The following SUPT20H variants were observed in gnomAD, a reference collection of about 807,000 sequenced individuals.
SUPT20H encodes the protein transcription factor SPT20 homolog.
A neutral mutation model predicts 122.8 loss-of-function variants in SUPT20H; 82 were observed. That is an observed-to-expected ratio of 0.67 (90% CI 0.56 to 0.80). The LOEUF (loss-of-function observed/expected upper bound fraction) is 0.80, where lower values mean the gene tolerates loss of function less well. SUPT20H is among the 30% of genes least tolerant of loss of function. The pLI is 0.00. For missense variants in SUPT20H, 831 were observed against 921.6 expected (o/e 0.90, Z 1.27); for synonymous variants, 291 against 313.0 (o/e 0.93, Z 0.74).
intron 25 of SUPT20H, 132 bp downstream of exon 25, chr13:37,010,420 A>G (rs2059393177): frequency 1.3e-6 from 1 of 761,132 alleles, no homozygotes; most frequent in South Asian, 1.9e-5. Flanking sequence ...AGACTTTAAA[A>G]TTTGCTAAAT....
chr13:37,018,957 T>C (rs138246366), intron 22 of SUPT20H, among the ~76,000 whole-genome samples: 2,422 of 152,278 alleles, frequency 0.016, 26 homozygotes, highest in Non-Finnish European at 0.024. Flanking sequence ...CCCACATACC[T>C]ATTTTTTAAA....
Position 37,019,209 on chromosome 13 carries a change from CAAT to C in SUPT20H, c.1872+130_1872+132del, listed in dbSNP as rs2061055365. ...TATCCGCTTGATCATACAAAGGTAG[CAAT>C]AATAACCACACCCTTAGAAGAATCT... On this transcript the variant is annotated intron_variant, in intron 22 of 25. Coordinates refer to ENST00000350612, the MANE Select transcript of SUPT20H (RefSeq NM_001014286.3). 9 of 589,398 alleles carry C rather than the reference CAAT, an allele frequency of 1.5e-5. No individual in the cohort carries two copies. The South Asian group carries it at 2.1e-4, about 14-fold the overall frequency. 36.5% of individuals were successfully genotyped at this position (589,398 alleles called of 1,614,324 possible).
In SUPT20H at chr13:37,009,611, T is replaced by C; in HGVS notation, c.*61A>G. ...ATTAAAAAAAACAAAAAGTAGAAAC[T>C]CAATTCTTTTGATTCAGTGCTCTTG... On this transcript the variant is annotated 3_prime_UTR_variant, in exon 26 of 26. Transcript: ENST00000350612. 6.3e-7 allele frequency: 1 copy of C among 1,598,478 alleles called. No individual in the cohort carries two copies. Among genetic ancestry groups the C allele is most frequent in the Non-Finnish European group, 8.6e-7 (1 of 1,166,842 alleles).
At chr13:37,045,455 T>C in intron 5 of SUPT20H, 82 bp from the exon 6 acceptor site, 1 of 1,526,560 alleles carries the variant, frequency 6.6e-7, no homozygotes, top group Admixed American at 2.0e-5. Context: ...AAAATCAGGC[T>C]TGAATTAACC....
At position 37,026,773 on chromosome 13, in the gene SUPT20H, G is replaced by C; in HGVS notation, c.1178+17C>G. On this transcript the variant is annotated intron_variant, in intron 15 of 25. Coordinates refer to ENST00000350612, the MANE Select transcript of SUPT20H (RefSeq NM_001014286.3). ...TGTAATTTCTTAACAGATTAAAATA[G>C]TTTATTTTTTAATTACCAATTTGAA... 7.5e-7 allele frequency: 1 copy of C among 1,339,112 alleles called. No individual in the cohort carries two copies. Among genetic ancestry groups the C allele is most frequent in the Non-Finnish European group, 1.0e-6 (1 of 996,432 alleles). 83.0% of individuals were successfully genotyped at this position (1,339,112 alleles called of 1,614,324 possible). A position where few individuals can be genotyped will look rare whatever the true frequency, so the allele number is the denominator to read the frequency against.
intron 22 of SUPT20H, 114 bp from the exon 23 acceptor site, chr13:37,017,478 T>C: frequency 9.0e-7 from 1 of 1,108,320 alleles, no homozygotes; most frequent in Non-Finnish European, 1.2e-6. Flanking sequence ...TTCTAGTTAT[T>C]GAAGAAACAG....
At chr13:37,028,392 T>C in intron 13 of SUPT20H, 87 bp from the exon 14 acceptor site, 1 of 1,214,644 alleles carries the variant, frequency 8.2e-7, no homozygotes, top group Non-Finnish European at 1.2e-6. Context: ...AATGATACAG[T>C]AACATGTATC....
chr13:37,035,782 G>A (rs1280849193), intron 9 of SUPT20H, among the ~76,000 whole-genome samples: 25 of 152,092 alleles, frequency 1.6e-4, no homozygotes, highest in Admixed American at 1.6e-3. Flanking sequence ...CGCCTGCTTC[G>A]GCCTCCCAAA....
chr13:37,051,082 T>C (rs1049483982), intron 2 of SUPT20H, among the ~76,000 whole-genome samples: 1 of 152,206 alleles, frequency 6.6e-6, no homozygotes, highest in Admixed American at 6.5e-5. Context: ...CTGCCTGAAA[T>C]ACGTTATATG....
intron 1 of SUPT20H, among the ~76,000 whole-genome samples, chr13:37,057,771 C>T (rs1354962901): frequency 3.3e-5 from 5 of 151,910 alleles, no homozygotes. Context: ...CCCTGGAGTT[C>T]GAGACCAGCC....
At position 37,048,617 on chromosome 13, in the gene SUPT20H, T is replaced by C. The variant is rs1380160503; in HGVS notation, c.4-18A>G. ...GCTTGTTGCTGTAAAAAGTAAATAG[T>C]ATATTTGGTAATATTAGTTATTTCC... is the stretch of plus-strand genomic sequence containing the variant. On this transcript the variant is annotated intron_variant, in intron 2 of 25. Transcript: ENST00000350612. The C allele has an allele frequency of 1.3e-6, 2 of 1,592,442 alleles. No homozygotes were observed. Among genetic ancestry groups the C allele is most frequent in the African/African-American group, 1.4e-5 (1 of 73,952 alleles).
chr13:37,031,598 G>C lies in SUPT20H; in HGVS notation c.890C>G (p.Pro297Arg), dbSNP rs200732187. 43 of 1,552,516 alleles carry C rather than the reference G, an allele frequency of 2.8e-5. No homozygotes were observed. The East Asian group carries it at 1.0e-3, about 36-fold the overall frequency. Residue 297 changes from proline (P) to arginine (R), a missense_variant, in exon 12 of 26, where the codon CCC becomes CGC. Transcript: ENST00000350612. ...GNCVDMWKRS[P>R]CNLAIPSEVD... ...TTCAGAAGGTATGGCCAAATTACAGGGACTCCGTTTCCACATATCTACACA... is the reference window on the plus strand; with the variant it reads ...TTCAGAAGGTATGGCCAAATTACAGCGACTCCGTTTCCACATATCTACACA...
intron 23 of SUPT20H, among the ~76,000 whole-genome samples, chr13:37,014,458 A>AAG (rs1362620904): frequency 2.0e-5 from 3 of 152,150 alleles, no homozygotes; most frequent in Non-Finnish European, 4.4e-5. Flanking sequence ...AGTATTCATC[A>AAG]AGACAGATCA....
chr13:37,048,448 C>T (rs1171032040), intron 3 of SUPT20H, 116 bp downstream of exon 3: 3 of 857,428 alleles, frequency 3.5e-6, no homozygotes, highest in Non-Finnish European at 5.2e-6. Context: ...GATATGCATA[C>T]TTGTCCTAAA....
chr13:37,030,862 G>A (rs906977174), intron 12 of SUPT20H, among the ~76,000 whole-genome samples: 1 of 152,130 alleles, frequency 6.6e-6, no homozygotes, highest in Admixed American at 6.6e-5. Context: ...ACAGTCTACT[G>A]CTGCTTCTGG....
intron 1 of SUPT20H, chr13:37,056,945 T>A (rs1405203868): frequency 6.6e-6 from 1 of 151,824 alleles, no homozygotes; most frequent in African/African-American, 2.4e-5. Context: ...CCCAGACGAG[T>A]CAAACGTGCT....
intron 22 of SUPT20H, among the ~76,000 whole-genome samples, chr13:37,018,665 T>C (rs1296519267): frequency 6.6e-6 from 1 of 152,152 alleles, no homozygotes. Context: ...ACCCCCCTTG[T>C]TTTTCTTTTG....
rs565153665 is a variant in SUPT20H at position 37,021,886 on chromosome 13, T to C, written c.1661+125A>G. 48 of 1,182,016 alleles carry C rather than the reference T, an allele frequency of 4.1e-5. No homozygotes were observed. The African/African-American group carries it at 6.3e-4, about 16-fold the overall frequency. The allele number at this position is 1,182,016 out of a possible 1,614,324, so 73.2% of individuals were successfully genotyped here. Reference sequence around the variant, plus strand: ...CATGGTCAGGCAGCTTCTGTCCATATCTAAACTATTCCTTTTCAGTCTGAG... The same window carrying C: ...CATGGTCAGGCAGCTTCTGTCCATACCTAAACTATTCCTTTTCAGTCTGAG... On this transcript the variant is annotated intron_variant, in intron 20 of 25. Transcript: ENST00000350612.
rs1241711475 is a variant in SUPT20H at position 37,015,639 on chromosome 13, A to T, written c.1992+1606T>A. ...AAAACAGTATGATGCTTCTTAAAAA[A>T]TTAAAAATTACCACATGAACCAGCA... is the stretch of plus-strand genomic sequence containing the variant. On this transcript the variant is annotated intron_variant, in intron 23 of 25. Coordinates refer to ENST00000350612, the MANE Select transcript of SUPT20H (RefSeq NM_001014286.3). Among the ~76,000 whole-genome samples the T allele has an allele frequency of 2.6e-5, 4 of 152,212 alleles. No individual in the cohort carries two copies. In the East Asian group the frequency reaches 5.8e-4, roughly 22 times the overall value.
Sources: allele counts gnomAD v4.1 joint callset (sites outside exome capture counted in the v4.1 genomes callset), GRCh38; gene constraint gnomAD v4.1.1; transcripts MANE v1.5; gene names NCBI Gene and HGNC (gene_info 2026-07-23, HGNC 2026-07-21).